EMC1: variants seen among roughly 807,000 people sequenced by gnomAD.
EMC1 encodes the protein ER membrane protein complex subunit 1, also known as KIAA0090.
A neutral mutation model predicts 128.8 loss-of-function variants in EMC1; 103 were observed. The observed-to-expected ratio is 0.80, with a 90% CI of 0.68 to 0.94. The LOEUF is 0.94. Among genes scored for constraint, EMC1 ranks in the 40% least tolerant of loss-of-function variants. The pLI is 0.00. For missense variants in EMC1, 1,083 were observed against 1,250.6 expected (o/e 0.87, Z 2.02); for synonymous variants, 442 against 490.4 (o/e 0.90, Z 1.30).
intron 6 of EMC1, 125 bp downstream of exon 6, chr1:19,240,891 A>G (rs771310620): frequency 4.1e-5 from 45 of 1,093,332 alleles, no homozygotes; most frequent in Non-Finnish European, 6.0e-5. Context: ...GCAAGTGACC[A>G]GAATGAGGGA....
chr1:19,239,216 G>C lies in EMC1; in HGVS notation c.1026+15C>G. 1 of 1,610,860 alleles carries C rather than the reference G, an allele frequency of 6.2e-7. No homozygotes were observed. Among genetic ancestry groups the C allele is most frequent in the Non-Finnish European group, 8.5e-7 (1 of 1,177,114 alleles). ...AGGAAAATCCCAAGTGCTGACTGTT[G>C]TTCTCAATACTCACCACTTCATTCC... On this transcript the variant is annotated intron_variant, in intron 9 of 22. Coordinates refer to ENST00000477853, the MANE Select transcript of EMC1 (RefSeq NM_015047.3).
At chr1:19,251,380 C>G (rs759955590) in intron 1 of EMC1, 35 bp downstream of exon 1, 16 of 1,579,138 alleles carry the variant, frequency 1.0e-5, no homozygotes, top group Middle Eastern at 3.3e-4. Flanking sequence ...GGGAAACAGC[C>G]ACTTATCTCT....
rs1212470911 is a variant in EMC1, at chr1:19,219,216, C to CTCCACCAA, written c.*79_*86dup. On this transcript the variant is annotated 3_prime_UTR_variant, in exon 23 of 23. Coordinates refer to ENST00000477853, the MANE Select transcript of EMC1 (RefSeq NM_015047.3). ...AGCTGAGCACTGACACACACACATACTCCACCAATCCACCAAACTGCAGCT... is the reference window on the plus strand; with the variant it reads ...AGCTGAGCACTGACACACACACATACTCCACCAATCCACCAATCCACCAAACTGCAGCT... 3 of 1,353,560 alleles carry CTCCACCAA rather than the reference C, an allele frequency of 2.2e-6. No individual in the cohort carries two copies. The highest frequency in any genetic ancestry group is 2.9e-5 in the African/African-American group (2 of 70,026). 83.8% of individuals were successfully genotyped at this position (1,353,560 alleles called of 1,614,324 possible).
At chr1:19,220,973 T>C in intron 20 of EMC1, 125 bp from the exon 21 acceptor site, 1 of 590,836 alleles carries the variant, frequency 1.7e-6, no homozygotes, top group Non-Finnish European at 3.1e-6. Flanking sequence ...TGAGGCTCCC[T>C]TACATAGCCA....
intron 17 of EMC1, among the ~76,000 whole-genome samples, chr1:19,228,661 CTG>C (rs2151945281): frequency 6.6e-6 from 1 of 151,952 alleles, no homozygotes; most frequent in Non-Finnish European, 1.5e-5. Context: ...TAATAAAAAA[CTG>C]AAGTTGACAA....
chr1:19,232,962 T>C lies in EMC1; in HGVS notation c.1606A>G (p.Met536Val). 1.9e-6 allele frequency: 3 copies of C among 1,614,172 alleles called. No homozygotes were observed. Among genetic ancestry groups the C allele is most frequent in the Non-Finnish European group, 1.7e-6 (2 of 1,180,020 alleles). The stretch of plus-strand genomic sequence containing the variant: ...TTGCCTGAGGCTGTTACCATCACCA[T>C]CATCTTCTGGAGGTTGAATTCATCT... ...ARDEFNLQKMMVMVTASGKLF... is the reference protein window; with the variant it reads ...ARDEFNLQKMVVMVTASGKLF... The change falls in exon 14 of 23, where the codon ATG (methionine) becomes GTG (valine). Residue 536 changes from methionine to valine, a missense_variant. Around this residue, in one of 3 missense-constraint regions of EMC1, gnomAD observed 527 missense variants for 644.1 expected, o/e 0.82. Coordinates refer to ENST00000477853, the MANE Select transcript of EMC1 (RefSeq NM_015047.3).
rs996331045 is a variant in EMC1 at position 19,236,044 on chromosome 1, T to C, written c.1310-792A>G. Reference sequence around the variant, plus strand: ...GAATCAATAGGTCAAAGGAGGAAAGTTCTGTATCCCACCGAGAATGCCAAG... The same window carrying C: ...GAATCAATAGGTCAAAGGAGGAAAGCTCTGTATCCCACCGAGAATGCCAAG... On this transcript the variant is annotated intron_variant, in intron 12 of 22. Coordinates refer to ENST00000477853, the MANE Select transcript of EMC1 (RefSeq NM_015047.3). Among the ~76,000 whole-genome samples the C allele has an allele frequency of 5.9e-5, 9 of 151,554 alleles. No individual in the cohort carries two copies. The East Asian group carries it at 1.8e-3, about 30-fold the overall frequency.
chr1:19,232,806 A>C (rs746887273), intron 14 of EMC1, 33 bp from the exon 15 acceptor site: 1 of 1,613,534 alleles, frequency 6.2e-7, no homozygotes, highest in South Asian at 1.1e-5. Context: ...GCTCACTACT[A>C]GAAAGAGAAA....
chr1:19,236,765 C>A (rs534690693), intron 12 of EMC1, among the ~76,000 whole-genome samples: 25 of 150,512 alleles, frequency 1.7e-4, no homozygotes, highest in African/African-American at 5.6e-4. Flanking sequence ...GTCAGGAATT[C>A]GAGACCAGCC....
Position 19,238,005 on chromosome 1 carries a change from G to C in EMC1, c.1212+12C>G. ...CCCACAGGACAGTCTGCAAAGAAAG[G>C]CTCTGCCTTACCCGCTCAGGCCGAG... On this transcript the variant is annotated intron_variant, in intron 11 of 22. Coordinates refer to ENST00000477853, the MANE Select transcript of EMC1 (RefSeq NM_015047.3). 6.2e-7 allele frequency: 1 copy of C among 1,612,636 alleles called. No homozygotes were observed. The highest frequency in any genetic ancestry group is 1.1e-5 in the South Asian group (1 of 90,734).
intron 4 of EMC1, among the ~76,000 whole-genome samples, chr1:19,243,275 T>C (rs2093616366): frequency 6.6e-6 from 1 of 152,144 alleles, no homozygotes; most frequent in Admixed American, 6.5e-5. Context: ...TTAGCAAAGA[T>C]GTTAACAATA....
At chr1:19,247,432 G>A (rs1304224475) in intron 1 of EMC1, among the ~76,000 whole-genome samples, 1 of 152,194 alleles carries the variant, frequency 6.6e-6, no homozygotes, top group Non-Finnish European at 1.5e-5. Context: ...ATATACAGTG[G>A]TGGTCACACA....
Position 19,222,747 on chromosome 1 carries a change from A to G in EMC1, c.2464T>C (p.Phe822Leu). ...AGCTGGGGGCGGTCCAGGGAGCTGA[A>G]GGCGGTGGCGTTGTATTGCTCAGTG... ...EGTEQYNATAFSSLDRPQLPQ... is the reference protein window; with the variant it reads ...EGTEQYNATALSSLDRPQLPQ... The change falls in exon 20 of 23, where the codon TTC (phenylalanine) becomes CTC (leucine). Residue 822 changes from phenylalanine to leucine, a missense_variant. By Grantham distance (22) the Phe-to-Leu change is conservative. Transcript: ENST00000477853. The G allele has an allele frequency of 6.2e-7, 1 of 1,614,138 alleles. No homozygotes were observed. Among genetic ancestry groups the G allele is most frequent in the Non-Finnish European group, 8.5e-7 (1 of 1,180,014 alleles).
rs2093403851 is a variant in EMC1, at chr1:19,217,623, C to T, written c.*1680G>A. The T allele has an allele frequency of 6.6e-6, 1 of 152,154 alleles. No homozygotes were observed. Among genetic ancestry groups the T allele is most frequent in the African/African-American group, 2.4e-5 (1 of 41,436 alleles). 9.4% of individuals were successfully genotyped at this position (152,154 alleles called of 1,614,324 possible). Reference sequence around the variant, plus strand: ...CCCTCCCAGTAGCTTGTTTCAGATTCTGGCACACTGGTAAATAAAAACTAG... The same window carrying T: ...CCCTCCCAGTAGCTTGTTTCAGATTTTGGCACACTGGTAAATAAAAACTAG... On this transcript the variant is annotated 3_prime_UTR_variant, in exon 23 of 23. Coordinates refer to ENST00000477853, the MANE Select transcript of EMC1 (RefSeq NM_015047.3).
chr1:19,239,382 A>G, intron 8 of EMC1, 80 bp from the exon 9 acceptor site: 2 of 1,306,096 alleles, frequency 1.5e-6, no homozygotes, highest in South Asian at 2.4e-5. Context: ...CTCTCCAGGG[A>G]AGGCCCTTGG....
In EMC1 at chr1:19,222,792, C is replaced by A. The variant is rs561638764; in HGVS notation, c.2419G>T (p.Val807Leu). The A allele has an allele frequency of 1.2e-6, 2 of 1,613,508 alleles. No individual in the cohort carries two copies. Among genetic ancestry groups the A allele is most frequent in the South Asian group, 1.1e-5 (1 of 91,052 alleles). The stretch of plus-strand genomic sequence containing the variant: ...TCAGTGCCCTCATAGAGCTCCAGTA[C>A]GGTAAACTCGTTGCGCCGAGCCTTG... ...NTKARRNEFTVLELYEGTEQY... is the reference protein window; with the variant it reads ...NTKARRNEFTLLELYEGTEQY... The change falls in exon 20 of 23, where the codon GTA (valine) becomes TTA (leucine). Residue 807 changes from valine (V) to leucine (L), a missense_variant. Val to Leu is a conservative substitution (Grantham distance 32). Around this residue, in one of 3 missense-constraint regions of EMC1, gnomAD observed 527 missense variants for 644.1 expected, o/e 0.82. Transcript: ENST00000477853.
intron 4 of EMC1, 52 bp downstream of exon 4, chr1:19,243,562 G>T: frequency 6.6e-7 from 1 of 1,507,392 alleles, no homozygotes; most frequent in South Asian, 1.1e-5. Flanking sequence ...GCAGATCTGT[G>T]TTCCGGTGAA....
rs138882205 is a variant in EMC1, at chr1:19,251,401, C to G, written c.95+14G>C. 4.3e-6 allele frequency: 7 copies of G among 1,611,750 alleles called. No individual in the cohort carries two copies. Among genetic ancestry groups the G allele is most frequent in the Non-Finnish European group, 5.9e-6 (7 of 1,177,838 alleles). ...CAGCCACTTATCTCTCGAATATGTT[C>G]CACACGTACGCACCAATCAAACTTG... On this transcript the variant is annotated intron_variant, in intron 1 of 22. Coordinates refer to ENST00000477853, the MANE Select transcript of EMC1 (RefSeq NM_015047.3).
intron 13 of EMC1, chr1:19,234,122 C>T (rs2093545405): frequency 1.0e-6 from 1 of 968,346 alleles, no homozygotes; most frequent in African/African-American, 1.8e-5. Context: ...AACAATTAAC[C>T]AAAAGCTAGC....
Sources: allele counts gnomAD v4.1 joint callset (sites outside exome capture counted in the v4.1 genomes callset), GRCh38; gene constraint gnomAD v4.1.1; regional missense constraint gnomAD v4.1.1; transcripts MANE v1.5; gene names NCBI Gene and HGNC (gene_info 2026-07-23, HGNC 2026-07-21).